Variants in ATG13 observed in about 807,000 individuals in gnomAD.
The protein encoded by ATG13 is autophagy related 13.
A neutral mutation model predicts 65.5 loss-of-function variants in ATG13; 23 were observed. That is an observed-to-expected ratio of 0.35 (90% CI 0.25 to 0.50). The LOEUF is 0.50. Ranked by LOEUF, ATG13 falls within the 20% of genes least tolerant of loss-of-function variation. ATG13 has a pLI of 0.98. For synonymous variants in ATG13, 252 were observed against 245.2 expected (o/e 1.03, Z -0.26); for missense variants, 566 against 677.0 (o/e 0.84, Z 1.82).
chr11:46,632,002 A>C (rs2135941823), intron 2 of ATG13, among the ~76,000 whole-genome samples: 1 of 152,306 alleles, frequency 6.6e-6, no homozygotes, highest in African/African-American at 2.4e-5. Context: ...GATGTTGCAA[A>C]ATTGAAATTG....
chr11:46,664,191 C>G (rs2061786701), intron 12 of ATG13, 96 bp downstream of exon 12: 1 of 975,376 alleles, frequency 1.0e-6, no homozygotes, highest in African/African-American at 1.7e-5. Context: ...TTAAATGTCC[C>G]AAGTGTTCTG....
At chr11:46,646,102 C>T (rs2057454314) in intron 5 of ATG13, 113 bp downstream of exon 5, 11 of 1,393,492 alleles carry the variant, frequency 7.9e-6, no homozygotes, top group Non-Finnish European at 1.1e-5. Context: ...ATATTCTTAT[C>T]ATTCTCTGAG....
chr11:46,673,101 T>C lies in ATG13; in HGVS notation c.*769T>C, dbSNP rs767016744. 14 of 180,260 alleles carry C rather than the reference T, an allele frequency of 7.8e-5. No individual in the cohort carries two copies. The highest frequency in any genetic ancestry group is 8.4e-5 in the Non-Finnish European group (7 of 83,478). The allele number at this position is 180,260 out of a possible 1,614,324, so 11.2% of individuals were successfully genotyped here. The stretch of plus-strand genomic sequence containing the variant: ...CTTCCTCTTGTCCCCCCGTTGCTGC[T>C]CCTTGGTTATAGAACATGGTAAATA... On this transcript the variant is annotated 3_prime_UTR_variant, in exon 19 of 19. Coordinates refer to ENST00000683050, the MANE Select transcript of ATG13 (RefSeq NM_001346311.2).
At chr11:46,668,009 G>GT (rs2062766989) in intron 15 of ATG13, 122 bp downstream of exon 15, 3 of 717,426 alleles carry the variant, frequency 4.2e-6, no homozygotes, top group Admixed American at 2.7e-5. Context: ...ATGCAAAACT[G>GT]TATGTGTGTG....
chr11:46,652,180 G>C (rs1323705095), intron 7 of ATG13, among the ~76,000 whole-genome samples: 1 of 152,004 alleles, frequency 6.6e-6, no homozygotes, highest in Non-Finnish European at 1.5e-5. Flanking sequence ...CCCAGGAGGC[G>C]GAGGTTGCAG....
At chr11:46,647,856 C>A (rs2058038904) in intron 5 of ATG13, among the ~76,000 whole-genome samples, 1 of 151,194 alleles carries the variant, frequency 6.6e-6, no homozygotes, top group African/African-American at 2.4e-5. Context: ...ACTGATCCTC[C>A]TGCCTCACAC....
chr11:46,635,931 G>T (rs965131153), intron 2 of ATG13, among the ~76,000 whole-genome samples: 1 of 152,106 alleles, frequency 6.6e-6, no homozygotes, highest in Non-Finnish European at 1.5e-5. Context: ...ATCCTGCAGC[G>T]CATTTCTTTC....
intron 1 of ATG13, chr11:46,625,523 TAA>T (rs1356552197): frequency 6.6e-6 from 1 of 151,916 alleles, no homozygotes; most frequent in African/African-American, 2.4e-5. Flanking sequence ...CTCGGCCTCC[TAA>T]AGTATTGAGA....
rs775363518 is a variant in ATG13, at chr11:46,651,887, G to A, written c.458+1570G>A. 2.9e-4 allele frequency among the ~76,000 whole-genome samples: 44 copies of A among 152,250 alleles called. 1 individual carries two copies. The highest frequency in any genetic ancestry group is 1.4e-3 in the South Asian group (7 of 4,832). Reference sequence around the variant, plus strand: ...ATACCCTACTAAAATCATCGGCTTAGTTACCTAGGACTGCTAGTCCTTTTC... The same window carrying A: ...ATACCCTACTAAAATCATCGGCTTAATTACCTAGGACTGCTAGTCCTTTTC... On this transcript the variant is annotated intron_variant, in intron 7 of 18. Coordinates refer to ENST00000683050, the MANE Select transcript of ATG13 (RefSeq NM_001346311.2).
At chr11:46,659,289 C>G (rs776928577) in intron 10 of ATG13, 103 bp from the exon 11 acceptor site, 1 of 874,628 alleles carries the variant, frequency 1.1e-6, no homozygotes, top group Non-Finnish European at 1.8e-6. Flanking sequence ...TGTGTGAAAC[C>G]GTTCTTAGCA....
rs1044877958 is a variant in ATG13, at chr11:46,660,862, C to G, written c.789+1377C>G. Among the ~76,000 whole-genome samples the G allele has an allele frequency of 3.2e-4, 48 of 151,732 alleles. No individual in the cohort carries two copies. The Middle Eastern group carries it at 0.01, about 32-fold the overall frequency. On this transcript the variant is annotated intron_variant, in intron 11 of 18. Coordinates refer to ENST00000683050, the MANE Select transcript of ATG13 (RefSeq NM_001346311.2). Reference sequence around the variant, plus strand: ...TATCTGGGACTATAGGCATATGCCACCATGCCCAGCTAATTTTTTTAATTT... The same window carrying G: ...TATCTGGGACTATAGGCATATGCCAGCATGCCCAGCTAATTTTTTTAATTT...
intron 2 of ATG13, among the ~76,000 whole-genome samples, chr11:46,631,491 C>T (rs1439607880): frequency 6.6e-6 from 1 of 152,198 alleles, no homozygotes; most frequent in Non-Finnish European, 1.5e-5. Flanking sequence ...AATCTTCTGT[C>T]CAGCATTTGG....
At chr11:46,645,747 G>T in intron 4 of ATG13, 123 bp from the exon 5 acceptor site, 3 of 1,341,416 alleles carry the variant, frequency 2.2e-6, no homozygotes, top group East Asian at 4.8e-5. Flanking sequence ...GGGGAAGGGA[G>T]AAGTGAATGA....
Position 46,665,498 on chromosome 11 carries a change from GTGC to G in ATG13, c.1119_1121del (p.Ala374del). ...TGCACCCCTTCTGACAGAACCCACT[GTGC>G]TGCCACACCCTCCAGTAGGTGAGTT... On this transcript the variant is annotated inframe_deletion, in exon 14 of 19. Coordinates refer to ENST00000683050, the MANE Select transcript of ATG13 (RefSeq NM_001346311.2). The G allele has an allele frequency of 6.2e-7, 1 of 1,614,200 alleles. No homozygotes were observed. The highest frequency in any genetic ancestry group is 8.5e-7 in the Non-Finnish European group (1 of 1,180,012).
In ATG13 at chr11:46,661,346, C is replaced by G. The variant is rs546486370; in HGVS notation, c.789+1861C>G. On this transcript the variant is annotated intron_variant, in intron 11 of 18. Coordinates refer to ENST00000683050, the MANE Select transcript of ATG13 (RefSeq NM_001346311.2). ...GCCTGGCCAACATGGTGAAACCCCC[C>G]TCTTTACTGAAAATACAAAAAATTA... 2.9e-4 allele frequency among the ~76,000 whole-genome samples: 44 copies of G among 149,856 alleles called. 1 individual carries two copies. The highest frequency in any genetic ancestry group is 9.8e-4 in the African/African-American group (40 of 40,734).
intron 1 of ATG13, chr11:46,621,034 A>C (rs941188876): frequency 2.0e-5 from 3 of 150,576 alleles, no homozygotes; most frequent in Non-Finnish European, 4.4e-5. Context: ...TTTTTTTTTG[A>C]TACGGAGTCT....
chr11:46,660,063 C>G (rs1592116219), intron 11 of ATG13: 2 of 152,636 alleles, frequency 1.3e-5, no homozygotes, highest in Admixed American at 6.5e-5. Flanking sequence ...AGAAAGCACC[C>G]CTGTGGTCTT....
chr11:46,656,926 C>T (rs1046604227), intron 8 of ATG13, 169 bp from the exon 9 acceptor site: 1 of 627,144 alleles, frequency 1.6e-6, no homozygotes, highest in East Asian at 2.7e-5. Flanking sequence ...CATACACGCA[C>T]ATACACACAC....
At chr11:46,644,897 A>C (rs2057127120) in intron 3 of ATG13, among the ~76,000 whole-genome samples, 3 of 152,350 alleles carry the variant, frequency 2.0e-5, no homozygotes, top group African/African-American at 7.2e-5. Context: ...TTTAGTTGTA[A>C]AATTATGTGG....
Sources: gnomAD v4.1 joint callset for allele counts (sites outside exome capture counted in the v4.1 genomes callset) on GRCh38, gnomAD v4.1.1 for gene constraint, MANE v1.5 for transcripts, NCBI Gene and HGNC (gene_info 2026-07-23, HGNC 2026-07-21) for gene names.